Variants in DUSP14 observed in about 807,000 individuals in gnomAD.
DUSP14 encodes the protein dual specificity protein phosphatase 14.
A neutral mutation model predicts 13.2 loss-of-function variants in DUSP14; 5 were observed. The ratio of observed to expected loss-of-function variants is 0.38; its 90% CI spans 0.20 to 0.80. The LOEUF is 0.80. Among genes scored for constraint, DUSP14 ranks in the 30% least tolerant of loss-of-function variants. The pLI, the probability that DUSP14 is intolerant of heterozygous loss-of-function variation, is 0.44. For synonymous variants in DUSP14, 91 were observed against 103.4 expected, an observed-to-expected ratio of 0.88 and a Z score of 0.73; for missense variants, 185 against 264.0, an observed-to-expected ratio of 0.70 and a Z score of 2.07.
At chr17:37,499,227 C>T (rs932277147) in intron 1 of DUSP14, among the ~76,000 whole-genome samples, 1 of 152,208 alleles carries the variant, frequency 6.6e-6, no homozygotes. Context: ...CCGCCCCCAC[C>T]TGGTCCTGCC....
At chr17:37,492,893 A>G (rs2054038428) in intron 1 of DUSP14, among the ~76,000 whole-genome samples, 1 of 152,108 alleles carries the variant, frequency 6.6e-6, no homozygotes, top group East Asian at 1.9e-4. Context: ...TATCCCCTAA[A>G]TATAAATCCC....
chr17:37,490,567 C>T (rs2054020841), intron 1 of DUSP14, among the ~76,000 whole-genome samples: 1 of 152,118 alleles, frequency 6.6e-6, no homozygotes, highest in African/African-American at 2.4e-5. Context: ...CTGTGGCCGC[C>T]TTAAGTGGAT....
At chr17:37,503,134 C>T (rs2054115673) in intron 1 of DUSP14, among the ~76,000 whole-genome samples, 1 of 152,110 alleles carries the variant, frequency 6.6e-6, no homozygotes, top group Non-Finnish European at 1.5e-5. Flanking sequence ...GTCAAGATTA[C>T]ACTGTAGGGT....
chr17:37,498,133 GCATTTCA>G lies in DUSP14; in HGVS notation c.-181+8186_-181+8192del, dbSNP rs148482555. On this transcript the variant is annotated intron_variant, in intron 1 of 2. Coordinates refer to ENST00000617516, the MANE Select transcript of DUSP14 (RefSeq NM_007026.4). Reference sequence around the variant, plus strand: ...ATGTTTAGGGGATGGAACTCTTAGAGCATTTCACATTTCACATGATATTTCTTTTTTT... The same window carrying G: ...ATGTTTAGGGGATGGAACTCTTAGAGCATTTCACATGATATTTCTTTTTTT... 4.6e-3 allele frequency among the ~76,000 whole-genome samples: 691 copies of G among 151,648 alleles called. 5 individuals are homozygous for G. Among genetic ancestry groups the G allele is most frequent in the African/African-American group, 0.016 (665 of 41,370 alleles).
chr17:37,490,700 ATTT>A (rs397709024), intron 1 of DUSP14, among the ~76,000 whole-genome samples: 1 of 148,732 alleles, frequency 6.7e-6, no homozygotes, highest in Non-Finnish European at 1.5e-5. Context: ...CCATGCAGAG[ATTT>A]TTTTTTTTTA....
intron 1 of DUSP14, among the ~76,000 whole-genome samples, chr17:37,508,810 T>A (rs2054154702): frequency 6.7e-6 from 1 of 148,404 alleles, no homozygotes; most frequent in African/African-American, 2.5e-5. Flanking sequence ...AAAACCATTT[T>A]AAAATGTTAA....
intron 1 of DUSP14, among the ~76,000 whole-genome samples, chr17:37,494,980 A>G (rs1348198689): frequency 1.3e-5 from 2 of 152,248 alleles, no homozygotes; most frequent in African/African-American, 4.8e-5. Context: ...ATTCTCTAAA[A>G]TAATGATAAT....
chr17:37,506,474 T>C (rs183261507), intron 1 of DUSP14, among the ~76,000 whole-genome samples: 1 of 152,178 alleles, frequency 6.6e-6, no homozygotes, highest in African/African-American at 2.4e-5. Context: ...GATGTGGTCA[T>C]TCTTAAGCAT....
intron 1 of DUSP14, among the ~76,000 whole-genome samples, chr17:37,492,017 TAATTATTTTA>T (rs1459879333): frequency 6.6e-6 from 1 of 152,224 alleles, no homozygotes; most frequent in East Asian, 1.9e-4. Flanking sequence ...TAACCGAAAT[TAATTATTTTA>T]AAGTTGACTT....
upstream of DUSP14, chr17:37,489,683 T>A (rs2054011532): frequency 6.6e-6 from 1 of 151,908 alleles, no homozygotes; most frequent in Non-Finnish European, 1.5e-5. Context: ...GGGAGGCTGC[T>A]GCCTCGGGAG....
chr17:37,497,961 G>A (rs866897681), intron 1 of DUSP14, among the ~76,000 whole-genome samples: 1 of 151,642 alleles, frequency 6.6e-6, no homozygotes. Flanking sequence ...TGGGAGGATC[G>A]CTTGAGTCCC....
chr17:37,492,999 G>GTGTGTGTGTA (rs1433331143), intron 1 of DUSP14, among the ~76,000 whole-genome samples: 1 of 152,186 alleles, frequency 6.6e-6, no homozygotes, highest in East Asian at 1.9e-4. Context: ...CATCGTGTGT[G>GTGTGTGTGTA]TGTGTGTGTA....
At chr17:37,496,580 C>A (rs1841843975) in intron 1 of DUSP14, among the ~76,000 whole-genome samples, 1 of 152,088 alleles carries the variant, frequency 6.6e-6, no homozygotes. Context: ...ATAGTGAAAC[C>A]CCGTCTCTAC....
intron 1 of DUSP14, among the ~76,000 whole-genome samples, chr17:37,494,644 T>TG (rs1341951928): frequency 6.6e-6 from 1 of 152,024 alleles, no homozygotes; most frequent in East Asian, 1.9e-4. Context: ...AGGGAGGGTG[T>TG]GGGGAGAGGT....
At position 37,513,318 on chromosome 17, in the gene DUSP14, G is replaced by GGAT. The variant is rs562997000; in HGVS notation, c.*450_*452dup. ...TTGATAACCAGCTTCAGTCTCTACT[G>GGAT]GATTAGCCCTACTCTTTCCTTTCCC... On this transcript the variant is annotated 3_prime_UTR_variant, in exon 3 of 3. Transcript: ENST00000617516. The GGAT allele has an allele frequency of 2.0e-3, 364 of 178,276 alleles. No individual in the cohort carries two copies. Among genetic ancestry groups the GGAT allele is most frequent in the Non-Finnish European group, 3.4e-3 (261 of 76,076 alleles). 11.0% of individuals were successfully genotyped at this position (178,276 alleles called of 1,614,324 possible).
chr17:37,492,215 G>A (rs933584639), intron 1 of DUSP14, among the ~76,000 whole-genome samples: 1 of 152,076 alleles, frequency 6.6e-6, no homozygotes, highest in Non-Finnish European at 1.5e-5. Flanking sequence ...TTACTCTTAG[G>A]TGCTGAATAA....
At position 37,511,481 on chromosome 17, in the gene DUSP14, A is replaced by G. The variant is rs1001929966; in HGVS notation, c.-92-700A>G. ...TTTTTAGTAGAGACAGGGTTTCCCA[A>G]TGTTGGCCAGGCTGGTCTCGAACTC... is the stretch of plus-strand genomic sequence containing the variant. On this transcript the variant is annotated intron_variant, in intron 2 of 2. Transcript: ENST00000617516. Among the ~76,000 whole-genome samples, 5 of 151,126 alleles carry G rather than the reference A, an allele frequency of 3.3e-5. No homozygotes were observed. In the South Asian group the frequency reaches 6.3e-4, roughly 19 times the overall value.
chr17:37,500,815 A>G (rs1041321910), intron 1 of DUSP14, among the ~76,000 whole-genome samples: 1 of 152,176 alleles, frequency 6.6e-6, no homozygotes, highest in African/African-American at 2.4e-5. Context: ...CCCGAAGACC[A>G]TCTTGTACCA....
At chr17:37,489,162 C>A (rs557788685), upstream of DUSP14, among the ~76,000 whole-genome samples, 1 of 152,332 alleles carries the variant, frequency 6.6e-6, no homozygotes, top group African/African-American at 2.4e-5. Flanking sequence ...CAGAGTCACA[C>A]AGCAAATGAG....
Sources: allele counts gnomAD v4.1 joint callset (sites outside exome capture counted in the v4.1 genomes callset), GRCh38; gene constraint gnomAD v4.1.1; transcripts MANE v1.5; gene names NCBI Gene and HGNC (gene_info 2026-07-23, HGNC 2026-07-21).